The following EIF3F variants were observed in gnomAD, a reference collection of about 807,000 sequenced individuals.
The protein encoded by EIF3F is deubiquitinating enzyme eIF3f.
EIF3F carries 8 observed loss-of-function variants against 36.0 expected under a neutral mutation model. The ratio of observed to expected loss-of-function variants is 0.22; its 90% CI spans 0.13 to 0.40. The LOEUF (loss-of-function observed/expected upper bound fraction) is 0.40. Among genes scored for constraint, EIF3F ranks in the 10% least tolerant of loss-of-function variants. EIF3F has a pLI of 1.00. For missense variants in EIF3F, 430 were observed against 467.6 expected (o/e 0.92, Z 0.74); for synonymous variants, 184 against 188.5 (o/e 0.98, Z 0.19).
chr11:7,988,147 C>T (rs1942050401), intron 1 of EIF3F, among the ~76,000 whole-genome samples: 1 of 152,196 alleles, frequency 6.6e-6, no homozygotes, highest in Non-Finnish European at 1.5e-5. Flanking sequence ...CTCCCTTATC[C>T]ACTGACTAAA....
At chr11:7,988,772 A>T (rs1191276086) in intron 1 of EIF3F, among the ~76,000 whole-genome samples, 2 of 152,218 alleles carry the variant, frequency 1.3e-5, no homozygotes, top group Admixed American at 6.5e-5. Flanking sequence ...GGGGCAGATT[A>T]CCTAAAATCT....
At chr11:7,995,205 T>G in intron 6 of EIF3F, 49 bp from the exon 7 acceptor site, 1 of 1,606,200 alleles carries the variant, frequency 6.2e-7, no homozygotes, top group Non-Finnish European at 8.5e-7. Context: ...ATGGTAGGGC[T>G]CAGTGGTTAT....
At chr11:7,992,764 G>T (rs2133671326) in intron 3 of EIF3F, 123 bp from the exon 4 acceptor site, 1 of 1,243,384 alleles carries the variant, frequency 8.0e-7, no homozygotes, top group South Asian at 1.3e-5. Flanking sequence ...GCTCTTGGCA[G>T]TTGGTGTCAC....
At chr11:7,991,024 G>A (rs1379048189) in intron 1 of EIF3F, among the ~76,000 whole-genome samples, 6 of 151,864 alleles carry the variant, frequency 4.0e-5, no homozygotes, top group Admixed American at 3.3e-4. Context: ...GTGAAACCCC[G>A]TCTCTAGTAA....
At chr11:7,990,012 G>A (rs1942074275) in intron 1 of EIF3F, among the ~76,000 whole-genome samples, 1 of 152,212 alleles carries the variant, frequency 6.6e-6, no homozygotes, top group African/African-American at 2.4e-5. Context: ...AAGCTCCTGA[G>A]CATTTCAGCT....
At position 7,998,587 on chromosome 11, in the gene EIF3F, A is replaced by G. The variant is rs767371396; in HGVS notation, c.*2565A>G. 3.3e-5 allele frequency: 5 copies of G among 152,222 alleles called. No homozygotes were observed. The highest frequency in any genetic ancestry group is 1.2e-4 in the African/African-American group (5 of 41,450). The allele number at this position is 152,222 out of a possible 1,614,324, so 9.4% of individuals were successfully genotyped here. ...TTTTTTCACATGCTGCATGTCCGCA[A>G]ATGGCTGCAAAAGCCCAGCAAGTAC... On this transcript the variant is annotated 3_prime_UTR_variant, in exon 8 of 8. Transcript: ENST00000651655.
At chr11:7,990,974 C>G (rs1425519266) in intron 1 of EIF3F, among the ~76,000 whole-genome samples, 1 of 152,028 alleles carries the variant, frequency 6.6e-6, no homozygotes, top group African/African-American at 2.4e-5. Flanking sequence ...GCAGGCAGAT[C>G]ACTTGAGGTC....
chr11:7,992,812 A>G, intron 3 of EIF3F, 75 bp from the exon 4 acceptor site: 1 of 1,602,408 alleles, frequency 6.2e-7, no homozygotes, highest in Non-Finnish European at 8.5e-7. Context: ...TACCCTGAAG[A>G]CACCCATGCC....
rs770501661 is a variant in EIF3F, at chr11:7,996,669, T to C, written c.*647T>C. The stretch of plus-strand genomic sequence containing the variant: ...ATTTAAGCAAAGACTAGATGGCATT[T>C]CCCAGAGGCCTTGTAGGCTAGAGTA... On this transcript the variant is annotated 3_prime_UTR_variant, in exon 8 of 8. Coordinates refer to ENST00000651655, the MANE Select transcript of EIF3F (RefSeq NM_003754.3). 1 of 152,264 alleles carries C rather than the reference T, an allele frequency of 6.6e-6. No homozygotes were observed. The allele number at this position is 152,264 out of a possible 1,614,324, so 9.4% of individuals were successfully genotyped here.
In EIF3F at chr11:7,998,151, A is replaced by G. The variant is rs772454947; in HGVS notation, c.*2129A>G. The G allele has an allele frequency of 1.3e-5, 2 of 152,218 alleles. No homozygotes were observed. Among genetic ancestry groups the G allele is most frequent in the Non-Finnish European group, 2.9e-5 (2 of 68,042 alleles). The allele number at this position is 152,218 out of a possible 1,614,324, so 9.4% of individuals were successfully genotyped here. On this transcript the variant is annotated 3_prime_UTR_variant, in exon 8 of 8. Transcript: ENST00000651655. ...AGTAGTTATGTTTTATAAAGTCACC[A>G]TGAACACTGAATTAGAGAGTACTGA...
rs1373077109 is a variant in EIF3F at position 8,000,620 on chromosome 11, C to G, written c.*4598C>G. 1 of 152,112 alleles carries G rather than the reference C, an allele frequency of 6.6e-6. No homozygotes were observed. The highest frequency in any genetic ancestry group is 2.4e-5 in the African/African-American group (1 of 41,408). 9.4% of individuals were successfully genotyped at this position (152,112 alleles called of 1,614,324 possible). On this transcript the variant is annotated 3_prime_UTR_variant, in exon 8 of 8. Transcript: ENST00000651655. ...GCAATGTGTACATATATCAAAACAT[C>G]ACATTGTACAAAATACATACAGTTT... is the stretch of plus-strand genomic sequence containing the variant.
At chr11:7,994,256 G>C (rs771895316) in intron 4 of EIF3F, among the ~76,000 whole-genome samples, 170 bp from the exon 5 acceptor site, 1 of 152,148 alleles carries the variant, frequency 6.6e-6, no homozygotes, top group Non-Finnish European at 1.5e-5. Flanking sequence ...GAAAAGCTAA[G>C]GGGAGAAAGT....
rs1329154500 is a variant in EIF3F, at chr11:7,998,076, C to T, written c.*2054C>T. On this transcript the variant is annotated 3_prime_UTR_variant, in exon 8 of 8. Coordinates refer to ENST00000651655, the MANE Select transcript of EIF3F (RefSeq NM_003754.3). ...GAACCAATCCTCCACGGATACTAAA[C>T]GGTGACTGTGTGTGTATATATATAT... is the stretch of plus-strand genomic sequence containing the variant. The T allele has an allele frequency of 6.7e-6, 1 of 149,516 alleles. No homozygotes were observed. The highest frequency in any genetic ancestry group is 1.5e-5 in the Non-Finnish European group (1 of 67,076). 9.3% of individuals were successfully genotyped at this position (149,516 alleles called of 1,614,324 possible).
chr11:7,996,988 T>C lies in EIF3F; in HGVS notation c.*966T>C, dbSNP rs1161934434. On this transcript the variant is annotated 3_prime_UTR_variant, in exon 8 of 8. Coordinates refer to ENST00000651655, the MANE Select transcript of EIF3F (RefSeq NM_003754.3). ...AATAAATGTCAGGTTAATCAACACTTGTGGAGAATATCACCTGGTATGTAG... is the reference window on the plus strand; with the variant it reads ...AATAAATGTCAGGTTAATCAACACTCGTGGAGAATATCACCTGGTATGTAG... 2.0e-5 allele frequency: 3 copies of C among 152,166 alleles called. No individual in the cohort carries two copies. The highest frequency in any genetic ancestry group is 7.2e-5 in the African/African-American group (3 of 41,434). The allele number at this position is 152,166 out of a possible 1,614,324, so 9.4% of individuals were successfully genotyped here.
rs1229197444 is a variant in EIF3F, at chr11:7,995,392, C to G, written c.996+25C>G. On this transcript the variant is annotated intron_variant, in intron 7 of 7. Transcript: ENST00000651655. ...TGTGAGTGCCCTTCCTGAGCCCCTT[C>G]TTGCCTGGTTTCTTCCCCCACCTCA... 3.8e-6 allele frequency: 6 copies of G among 1,579,508 alleles called. No homozygotes were observed. The Admixed American group carries it at 5.0e-5, about 13-fold the overall frequency.
rs1295666079 is a variant in EIF3F, at chr11:8,000,526, A to G, written c.*4504A>G. 1 of 152,234 alleles carries G rather than the reference A, an allele frequency of 6.6e-6. No individual in the cohort carries two copies. Among genetic ancestry groups the G allele is most frequent in the Admixed American group, 6.5e-5 (1 of 15,286 alleles). 9.4% of individuals were successfully genotyped at this position (152,234 alleles called of 1,614,324 possible). A position where few individuals can be genotyped will look rare whatever the true frequency, so the allele number is the denominator to read the frequency against. ...TGTATACTTGAAAATTGCTAGGAGT[A>G]GATCTCACCAGGAGAAATGAATATG... On this transcript the variant is annotated 3_prime_UTR_variant, in exon 8 of 8. Transcript: ENST00000651655.
At position 7,996,474 on chromosome 11, in the gene EIF3F, A is replaced by G. The variant is rs1942162074; in HGVS notation, c.*452A>G. 6.5e-6 allele frequency: 1 copy of G among 154,526 alleles called. No individual in the cohort carries two copies. Among genetic ancestry groups the G allele is most frequent in the South Asian group, 2.0e-4 (1 of 5,016 alleles). 9.6% of individuals were successfully genotyped at this position (154,526 alleles called of 1,614,324 possible). A position where few individuals can be genotyped will look rare whatever the true frequency, so the allele number is the denominator to read the frequency against. ...TAGAGTGTGTAGTCACTATCTTAAA[A>G]TACATTAATAGTAAGATGGAGCTCT... On this transcript the variant is annotated 3_prime_UTR_variant, in exon 8 of 8. Transcript: ENST00000651655.
At chr11:7,992,697 T>C in intron 3 of EIF3F, 190 bp from the exon 4 acceptor site, 2 of 720,016 alleles carry the variant, frequency 2.8e-6, no homozygotes, top group East Asian at 2.7e-5. Context: ...TTGGAATTTT[T>C]CATCAGCACT....
chr11:7,998,905 A>T lies in EIF3F; in HGVS notation c.*2883A>T, dbSNP rs993022348. ...GAACTCATGACCATAGTGTGGTGTT[A>T]TTACTTAGCGTTATTCTAGACTTAT... On this transcript the variant is annotated 3_prime_UTR_variant, in exon 8 of 8. Coordinates refer to ENST00000651655, the MANE Select transcript of EIF3F (RefSeq NM_003754.3). 1 of 152,174 alleles carries T rather than the reference A, an allele frequency of 6.6e-6. No individual in the cohort carries two copies. Among genetic ancestry groups the T allele is most frequent in the African/African-American group, 2.4e-5 (1 of 41,444 alleles). 9.4% of individuals were successfully genotyped at this position (152,174 alleles called of 1,614,324 possible). A position where few individuals can be genotyped will look rare whatever the true frequency, so the allele number is the denominator to read the frequency against.
Sources: gnomAD v4.1 joint callset for allele counts (sites outside exome capture counted in the v4.1 genomes callset) on GRCh38, gnomAD v4.1.1 for gene constraint, MANE v1.5 for transcripts, NCBI Gene and HGNC (gene_info 2026-07-23, HGNC 2026-07-21) for gene names.